Variants in NKAIN3 observed in about 807,000 individuals in gnomAD.
The protein encoded by NKAIN3 is sodium/potassium transporting ATPase interacting 3.
Under a neutral mutation model 30.2 loss-of-function variants are expected in NKAIN3, and 25 were observed. That is an observed-to-expected ratio of 0.83 (90% CI 0.60 to 1.16). The LOEUF (loss-of-function observed/expected upper bound fraction) is 1.16. NKAIN3 is among the 50% of genes most tolerant of loss of function. The pLI is 0.00. For missense variants in NKAIN3, 225 were observed against 254.1 expected (o/e 0.89, Z 0.78); for synonymous variants, 91 against 89.6 (o/e 1.02, Z -0.09).
At chr8:62,406,538 T>G (rs974492886) in intron 1 of NKAIN3, among the ~76,000 whole-genome samples, 5 of 152,198 alleles carry the variant, frequency 3.3e-5, no homozygotes, top group African/African-American at 1.2e-4. Flanking sequence ...ATTTGGAAGC[T>G]GTTGCTTTCT....
intron 1 of NKAIN3, among the ~76,000 whole-genome samples, chr8:62,439,949 A>G (rs1012444043): frequency 1.3e-5 from 2 of 152,204 alleles, no homozygotes; most frequent in Admixed American, 6.5e-5. Flanking sequence ...TAGGAAGCAG[A>G]TATTAATATG....
At chr8:62,440,698 CTTT>C (rs991920490) in intron 1 of NKAIN3, among the ~76,000 whole-genome samples, 11 of 124,890 alleles carry the variant, frequency 8.8e-5, no homozygotes, top group Non-Finnish European at 1.3e-4. Flanking sequence ...TCTTCTTCTT[CTTT>C]ATTTTTTTTT....
chr8:62,448,570 G>T (rs1318074741), intron 1 of NKAIN3, among the ~76,000 whole-genome samples: 1 of 151,056 alleles, frequency 6.6e-6, no homozygotes, highest in African/African-American at 2.4e-5. Flanking sequence ...AATTGAGATT[G>T]TACAATACAT....
intron 1 of NKAIN3, among the ~76,000 whole-genome samples, chr8:62,539,932 C>T (rs1459483649): frequency 6.6e-6 from 1 of 152,142 alleles, no homozygotes; most frequent in African/African-American, 2.4e-5. Flanking sequence ...CACTTTCAAA[C>T]AAAAGGCAAT....
intron 1 of NKAIN3, among the ~76,000 whole-genome samples, chr8:62,499,835 TTTCC>T (rs1301740005): frequency 2.6e-5 from 4 of 151,310 alleles, no homozygotes; most frequent in African/African-American, 9.8e-5. Flanking sequence ...TCTTTCTTTC[TTTCC>T]TTCTTTCCTT....
intron 3 of NKAIN3, among the ~76,000 whole-genome samples, chr8:62,713,547 T>C (rs528530350): frequency 1.3e-5 from 2 of 152,222 alleles, no homozygotes; most frequent in Non-Finnish European, 2.9e-5. Context: ...CAAACACTTA[T>C]TGAGCAACAA....
chr8:62,415,507 G>A (rs1804416458), intron 1 of NKAIN3, among the ~76,000 whole-genome samples: 2 of 149,800 alleles, frequency 1.3e-5, no homozygotes, highest in Non-Finnish European at 3.0e-5. Context: ...ATAATAAAGT[G>A]ATTAATGATA....
At chr8:62,519,581 A>G (rs372977869) in intron 1 of NKAIN3, among the ~76,000 whole-genome samples, 8 of 152,318 alleles carry the variant, frequency 5.3e-5, no homozygotes, top group Middle Eastern at 3.4e-3. Context: ...ACTTAAAGTG[A>G]TAGAATTGAA....
intron 4 of NKAIN3, among the ~76,000 whole-genome samples, chr8:62,867,933 G>A (rs1346910506): frequency 6.6e-6 from 1 of 152,138 alleles, no homozygotes; most frequent in Non-Finnish European, 1.5e-5. Context: ...TACACGCACA[G>A]AGCAATGTAG....
At chr8:62,342,861 T>C (rs949759338) in intron 1 of NKAIN3, among the ~76,000 whole-genome samples, 3 of 152,060 alleles carry the variant, frequency 2.0e-5, no homozygotes, top group African/African-American at 7.2e-5. Context: ...GTGGGAGTCA[T>C]GGTAGATATT....
chr8:62,434,774 T>A (rs188095784), intron 1 of NKAIN3, among the ~76,000 whole-genome samples: 10 of 152,288 alleles, frequency 6.6e-5, no homozygotes, highest in Admixed American at 5.9e-4. Flanking sequence ...TCATAATAAT[T>A]AAATCTGGGA....
At position 62,980,296 on chromosome 8, in the gene NKAIN3, C is replaced by T. The variant is rs1226605967; in HGVS notation, c.*14889C>T. 1 of 152,172 alleles carries T rather than the reference C, an allele frequency of 6.6e-6. No individual in the cohort carries two copies. The highest frequency in any genetic ancestry group is 1.5e-5 in the Non-Finnish European group (1 of 68,030). The allele number at this position is 152,172 out of a possible 1,614,324, so 9.4% of individuals were successfully genotyped here. On this transcript the variant is annotated 3_prime_UTR_variant, in exon 7 of 7. Transcript: ENST00000623646. ...GCCTCACATACTATCATTTCTTTGA[C>T]AATTCTTTTTAAAGGGGATTGCTCT...
chr8:62,750,399 T>C lies in NKAIN3; in HGVS notation c.471+3270T>C, dbSNP rs1186773212. ...ACTGGAAGAAAAGTCACCTCTGTCA[T>C]AAGCATTCCACAGACTGTGTACATG... On this transcript the variant is annotated intron_variant, in intron 4 of 6. Coordinates refer to ENST00000623646, the MANE Select transcript of NKAIN3 (RefSeq NM_001304533.3). Among the ~76,000 whole-genome samples, 3 of 152,046 alleles carry C rather than the reference T, an allele frequency of 2.0e-5. No individual in the cohort carries two copies. In the East Asian group the frequency reaches 5.8e-4, roughly 29 times the overall value.
At chr8:62,918,164 T>A (rs768494155) in intron 4 of NKAIN3, among the ~76,000 whole-genome samples, 1 of 152,220 alleles carries the variant, frequency 6.6e-6, no homozygotes, top group Non-Finnish European at 1.5e-5. Flanking sequence ...TTCTTAATAA[T>A]CTTTGCTGAT....
At chr8:62,994,593 G>A (rs1022284894) in intron 5 of NKAIN3, among the ~76,000 whole-genome samples, 3 of 152,094 alleles carry the variant, frequency 2.0e-5, no homozygotes, top group East Asian at 1.9e-4. Context: ...AAATGTTATG[G>A]TCTTTAACCA....
intron 3 of NKAIN3, among the ~76,000 whole-genome samples, chr8:62,649,319 C>T (rs1812557327): frequency 6.6e-6 from 1 of 152,078 alleles, no homozygotes; most frequent in Non-Finnish European, 1.5e-5. Flanking sequence ...CCAGTAATTC[C>T]CAGGGTCAGT....
At chr8:62,320,982 G>A (rs1218967646) in intron 1 of NKAIN3, among the ~76,000 whole-genome samples, 1 of 152,182 alleles carries the variant, frequency 6.6e-6, no homozygotes, top group African/African-American at 2.4e-5. Flanking sequence ...ATCTGATGTA[G>A]ATTTGGTCTT....
At chr8:62,290,024 C>T (rs1331292587) in intron 1 of NKAIN3, among the ~76,000 whole-genome samples, 1 of 152,116 alleles carries the variant, frequency 6.6e-6, no homozygotes, top group Admixed American at 6.5e-5. Flanking sequence ...GGAGTTCACT[C>T]ATGATTTGGC....
chr8:62,669,520 G>T (rs998407780), intron 3 of NKAIN3, among the ~76,000 whole-genome samples: 1 of 152,092 alleles, frequency 6.6e-6, no homozygotes, highest in African/African-American at 2.4e-5. Context: ...CATCCATTTA[G>T]GGGAAAGGTA....
Sources: allele counts gnomAD v4.1 joint callset (sites outside exome capture counted in the v4.1 genomes callset), GRCh38; gene constraint gnomAD v4.1.1; transcripts MANE v1.5; gene names NCBI Gene and HGNC (gene_info 2026-07-23, HGNC 2026-07-21).